STK32B: variants seen among roughly 807,000 people sequenced by gnomAD.
STK32B encodes the protein serine/threonine-protein kinase 32B.
Under a neutral mutation model 52.6 loss-of-function variants are expected in STK32B, and 43 were observed. That is an observed-to-expected ratio of 0.82 (90% confidence interval 0.64 to 1.05). The LOEUF (loss-of-function observed/expected upper bound fraction) is 1.05, where lower values mean the gene tolerates loss of function less well. Among genes scored for constraint, STK32B ranks in the 50% least tolerant of loss-of-function variants. STK32B has a pLI of 0.00. For missense variants in STK32B, 621 were observed against 534.6 expected, an observed-to-expected ratio of 1.16 and a Z score of -1.59; for synonymous variants, 238 against 204.3, an observed-to-expected ratio of 1.17 and a Z score of -1.41.
intron 2 of STK32B, among the ~76,000 whole-genome samples, chr4:5,141,041 A>G (rs1716406581): frequency 6.6e-6 from 1 of 152,194 alleles, no homozygotes; most frequent in Admixed American, 6.5e-5. Context: ...TGTTTTGTAG[A>G]GCTGAGCTAT....
intron 3 of STK32B, among the ~76,000 whole-genome samples, chr4:5,311,165 T>C (rs1479608321): frequency 2.0e-5 from 3 of 152,192 alleles, no homozygotes; most frequent in Admixed American, 6.5e-5. Context: ...TGTACCACTA[T>C]AGAATTACTT....
chr4:5,325,502 T>C (rs1259909404), intron 3 of STK32B, among the ~76,000 whole-genome samples: 1 of 152,198 alleles, frequency 6.6e-6, no homozygotes, highest in African/African-American at 2.4e-5. Context: ...ATTTCTTTTT[T>C]ATTCTGTGAC....
Position 5,438,735 on chromosome 4 carries a change from G to A in STK32B, c.563-7938G>A, listed in dbSNP as rs187400633. Among the ~76,000 whole-genome samples, 297 of 152,240 alleles carry A rather than the reference G, an allele frequency of 2.0e-3. 1 individual carries two copies. The highest frequency in any genetic ancestry group is 6.7e-3 in the African/African-American group (280 of 41,528). ...TCATCTAGCATTGGGTATATCTCCC[G>A]ATGCTATCCCTCCTCCCTCCCCACA... On this transcript the variant is annotated intron_variant, in intron 6 of 11. Transcript: ENST00000282908.
At chr4:5,256,181 G>A (rs1025246926) in intron 3 of STK32B, among the ~76,000 whole-genome samples, 5 of 145,098 alleles carry the variant, frequency 3.4e-5, no homozygotes, top group South Asian at 4.2e-4. Flanking sequence ...TGACCTTCCC[G>A]GGACCACACA....
chr4:5,273,925 G>A (rs960906629), intron 3 of STK32B, among the ~76,000 whole-genome samples: 5 of 150,900 alleles, frequency 3.3e-5, no homozygotes, highest in Non-Finnish European at 5.9e-5. Flanking sequence ...GCACCAGCAT[G>A]ACACATGTAT....
rs971722186 is a variant in STK32B at position 5,411,990 on chromosome 4, G to A, written c.473-4855G>A. Among the ~76,000 whole-genome samples, 11 of 152,166 alleles carry A rather than the reference G, an allele frequency of 7.2e-5. 1 individual carries two copies. Among genetic ancestry groups the A allele is most frequent in the Admixed American group, 5.2e-4 (8 of 15,286 alleles). ...ATCAATCGTGTAAGTCCTGGGGTCA[G>A]TTTTGAAGAATTAGTGAAAATCTAC... On this transcript the variant is annotated intron_variant, in intron 5 of 11. Transcript: ENST00000282908.
chr4:5,191,353 C>A (rs1400468426), intron 3 of STK32B, among the ~76,000 whole-genome samples: 3 of 151,920 alleles, frequency 2.0e-5, no homozygotes, highest in Non-Finnish European at 4.4e-5. Context: ...CGGGTTCACA[C>A]CATTCTCCTG....
At chr4:5,125,357 C>T (rs1197884555) in intron 1 of STK32B, among the ~76,000 whole-genome samples, 1 of 152,240 alleles carries the variant, frequency 6.6e-6, no homozygotes, top group Admixed American at 6.5e-5. Context: ...TAATACAAAG[C>T]TTTCCTATGT....
chr4:5,455,532 T>G (rs1428842228), intron 7 of STK32B, among the ~76,000 whole-genome samples: 1 of 152,168 alleles, frequency 6.6e-6, no homozygotes, highest in Non-Finnish European at 1.5e-5. Context: ...GGGCTGGGCT[T>G]CTTGGAACTT....
chr4:5,285,956 C>T (rs1652294914), intron 3 of STK32B, among the ~76,000 whole-genome samples: 1 of 152,072 alleles, frequency 6.6e-6, no homozygotes, highest in Admixed American at 6.6e-5. Flanking sequence ...CATTAGGACC[C>T]TCATCCAATA....
intron 1 of STK32B, among the ~76,000 whole-genome samples, chr4:5,102,357 G>A (rs1321765370): frequency 6.6e-6 from 1 of 152,220 alleles, no homozygotes; most frequent in African/African-American, 2.4e-5. Context: ...AGAGAGGGTG[G>A]CCATTGGCTA....
At chr4:5,184,645 ACC>A (rs1227052169) in intron 3 of STK32B, among the ~76,000 whole-genome samples, 42 of 146,432 alleles carry the variant, frequency 2.9e-4, no homozygotes, top group South Asian at 8.8e-4. Context: ...CTGAGATCGC[ACC>A]ACTGCATTCC....
chr4:5,078,733 G>C (rs939512602), intron 1 of STK32B, among the ~76,000 whole-genome samples: 1 of 152,272 alleles, frequency 6.6e-6, no homozygotes, highest in East Asian at 1.9e-4. Context: ...GAGTTTCCCT[G>C]CCTGGCCTTG....
chr4:5,102,353 G>C (rs943178660), intron 1 of STK32B, among the ~76,000 whole-genome samples: 2 of 152,126 alleles, frequency 1.3e-5, no homozygotes, highest in Admixed American at 1.3e-4. Context: ...ACCAAGAGAG[G>C]GTGGCCATTG....
intron 6 of STK32B, among the ~76,000 whole-genome samples, chr4:5,420,872 A>C (rs1712577159): frequency 8.5e-6 from 1 of 117,508 alleles, no homozygotes; most frequent in African/African-American, 3.2e-5. Context: ...GGACCACTGG[A>C]GAAGTTCGAG....
At chr4:5,333,184 C>G (rs544267675) in intron 4 of STK32B, among the ~76,000 whole-genome samples, 2 of 152,172 alleles carry the variant, frequency 1.3e-5, no homozygotes, top group South Asian at 4.2e-4. Flanking sequence ...TAATGATTGC[C>G]ATTCTAACTG....
chr4:5,093,027 T>G (rs1322101015), intron 1 of STK32B, among the ~76,000 whole-genome samples: 1 of 152,190 alleles, frequency 6.6e-6, no homozygotes, highest in Non-Finnish European at 1.5e-5. Context: ...GGATTTGAAC[T>G]GTGCAGGTCC....
At chr4:5,021,369 A>G in the STK32B span, among the ~76,000 whole-genome samples, 7 of 152,340 alleles carry the variant, frequency 4.6e-5, no homozygotes, top group Admixed American at 1.3e-4. Context: ...TTCGGGCAGA[A>G]CTGTGTGTGC....
At chr4:5,371,032 A>G (rs1024624312) in intron 4 of STK32B, among the ~76,000 whole-genome samples, 1 of 150,356 alleles carries the variant, frequency 6.7e-6, no homozygotes, top group African/African-American at 2.5e-5. Flanking sequence ...GTGTATATAT[A>G]TGTATATATA....
Sources: allele counts gnomAD v4.1 joint callset (sites outside exome capture counted in the v4.1 genomes callset), GRCh38; gene constraint gnomAD v4.1.1; transcripts MANE v1.5; gene names NCBI Gene and HGNC (gene_info 2026-07-23, HGNC 2026-07-21).